LYPD6B: variants seen among roughly 807,000 people sequenced by gnomAD.
LYPD6B encodes the protein ly6/PLAUR domain-containing protein 6B.
LYPD6B carries 17 observed loss-of-function variants against 22.8 expected under a neutral mutation model. The ratio of observed to expected loss-of-function variants is 0.75; its 90% CI spans 0.51 to 1.12. LYPD6B has a LOEUF of 1.12. LYPD6B is among the 50% of genes most tolerant of loss of function. The pLI, the probability that LYPD6B is intolerant of heterozygous loss-of-function variation, is 0.00. For missense variants in LYPD6B, 221 were observed against 258.3 expected (o/e 0.86, Z 0.99); for synonymous variants, 106 against 91.6 (o/e 1.16, Z -0.90).
intron 3 of LYPD6B, among the ~76,000 whole-genome samples, chr2:149,169,252 G>A (rs1457590011): frequency 1.3e-5 from 2 of 151,950 alleles, no homozygotes; most frequent in Non-Finnish European, 2.9e-5. Flanking sequence ...TCCTTCTCTT[G>A]GACATGTCTC....
At chr2:149,206,828 AT>A (rs996301111) in intron 4 of LYPD6B, among the ~76,000 whole-genome samples, 20 of 152,158 alleles carry the variant, frequency 1.3e-4, no homozygotes, top group African/African-American at 4.8e-4. Flanking sequence ...TATTTTGAAT[AT>A]TTTCCAATGT....
intron 3 of LYPD6B, among the ~76,000 whole-genome samples, chr2:149,177,945 A>G (rs1356990387): frequency 5.3e-5 from 8 of 151,834 alleles, no homozygotes; most frequent in African/African-American, 1.9e-4. Context: ...TTTGTACTTA[A>G]TTAATGTAAT....
chr2:149,196,234 C>A (rs566081849), intron 3 of LYPD6B, among the ~76,000 whole-genome samples: 38 of 152,274 alleles, frequency 2.5e-4, no homozygotes, highest in African/African-American at 8.9e-4. Context: ...ATTCAGAATG[C>A]AGAAATTTTT....
chr2:149,107,093 TATA>T (rs1238641521), intron 1 of LYPD6B, among the ~76,000 whole-genome samples: 1 of 152,166 alleles, frequency 6.6e-6, no homozygotes, highest in Non-Finnish European at 1.5e-5. Flanking sequence ...ATAGAACAAT[TATA>T]AGAATATACT....
intron 2 of LYPD6B, among the ~76,000 whole-genome samples, chr2:149,157,774 T>C (rs190787466): frequency 6.6e-6 from 1 of 152,206 alleles, no homozygotes; most frequent in Non-Finnish European, 1.5e-5. Flanking sequence ...TGAGGACCTA[T>C]GTTTGCACAC....
At chr2:149,208,840 GC>G (rs1033743417) in intron 5 of LYPD6B, among the ~76,000 whole-genome samples, 2 of 152,082 alleles carry the variant, frequency 1.3e-5, no homozygotes, top group Admixed American at 1.3e-4. Flanking sequence ...CCAGTGCCTG[GC>G]CCATGTTTAC....
intron 3 of LYPD6B, among the ~76,000 whole-genome samples, chr2:149,164,374 C>CCTG (rs1232532379): frequency 6.6e-6 from 1 of 152,102 alleles, no homozygotes; most frequent in Non-Finnish European, 1.5e-5. Flanking sequence ...TTCTGGGCTT[C>CCTG]CTGCATTCTT....
chr2:149,162,654 G>T (rs986580356), intron 3 of LYPD6B, among the ~76,000 whole-genome samples: 2 of 152,162 alleles, frequency 1.3e-5, no homozygotes, highest in Non-Finnish European at 2.9e-5. Context: ...ACAGCAGAAA[G>T]AATTAAGAGT....
chr2:149,202,882 G>A (rs1483584785), intron 3 of LYPD6B, among the ~76,000 whole-genome samples: 3 of 152,130 alleles, frequency 2.0e-5, no homozygotes, highest in African/African-American at 7.2e-5. Context: ...GTACTTTACA[G>A]GCATTAATTT....
chr2:149,057,869 C>T (rs1683879503), intron 1 of LYPD6B, among the ~76,000 whole-genome samples: 1 of 152,100 alleles, frequency 6.6e-6, no homozygotes, highest in African/African-American at 2.4e-5. Flanking sequence ...GCAGAGCTTT[C>T]CCTGTGATGT....
intron 4 of LYPD6B, among the ~76,000 whole-genome samples, chr2:149,207,093 C>T (rs777352259): frequency 1.3e-5 from 2 of 152,110 alleles, no homozygotes; most frequent in Non-Finnish European, 2.9e-5. Context: ...TAACCATTTA[C>T]CTACCAGCAT....
intron 1 of LYPD6B, among the ~76,000 whole-genome samples, chr2:149,051,350 A>G (rs1683548207): frequency 6.6e-6 from 1 of 151,998 alleles, no homozygotes; most frequent in Non-Finnish European, 1.5e-5. Context: ...ATTTTTTAGT[A>G]GAGATGGGGT....
intron 3 of LYPD6B, among the ~76,000 whole-genome samples, chr2:149,161,656 C>T (rs1275388097): frequency 1.3e-5 from 2 of 152,106 alleles, no homozygotes; most frequent in African/African-American, 4.8e-5. Flanking sequence ...AGCCCAGAGG[C>T]CTTCTGCCTG....
intron 1 of LYPD6B, among the ~76,000 whole-genome samples, chr2:149,044,640 G>A (rs958786398): frequency 5.3e-5 from 8 of 151,972 alleles, no homozygotes; most frequent in Non-Finnish European, 1.0e-4. Context: ...GCAGTACAAT[G>A]TTGAATAGCA....
chr2:149,072,414 A>G (rs986650980), intron 1 of LYPD6B, among the ~76,000 whole-genome samples: 7 of 152,152 alleles, frequency 4.6e-5, no homozygotes, highest in African/African-American at 1.7e-4. Context: ...GTAAGTAAAC[A>G]TACAGGATGT....
chr2:149,039,108 G>C (rs915468512), intron 1 of LYPD6B, among the ~76,000 whole-genome samples: 4 of 152,102 alleles, frequency 2.6e-5, no homozygotes, highest in South Asian at 4.1e-4. Context: ...AGCCCTGCGG[G>C]GCCAGTGACT....
intron 2 of LYPD6B, among the ~76,000 whole-genome samples, chr2:149,141,501 C>A (rs1688692135): frequency 6.6e-6 from 1 of 152,124 alleles, no homozygotes; most frequent in South Asian, 2.1e-4. Flanking sequence ...TTTTGCATTC[C>A]AAGTGAATTT....
At chr2:149,102,878 C>T (rs545134910) in intron 1 of LYPD6B, among the ~76,000 whole-genome samples, 42 of 152,234 alleles carry the variant, frequency 2.8e-4, no homozygotes, top group African/African-American at 8.7e-4. Context: ...GTTATCCACC[C>T]GCCTTGGCCT....
intron 4 of LYPD6B, among the ~76,000 whole-genome samples, chr2:149,206,954 C>T (rs1693543620): frequency 6.6e-6 from 1 of 152,116 alleles, no homozygotes; most frequent in Non-Finnish European, 1.5e-5. Context: ...CACAAGCAAA[C>T]TAAATGTTAA....
Sources: allele counts gnomAD v4.1 joint callset (sites outside exome capture counted in the v4.1 genomes callset), GRCh38; gene constraint gnomAD v4.1.1; transcripts MANE v1.5; gene names NCBI Gene and HGNC (gene_info 2026-07-23, HGNC 2026-07-21).